The following AEBP2 variants were observed in gnomAD, a reference collection of about 807,000 sequenced individuals.
AEBP2 encodes the protein zinc finger protein AEBP2.
Under a neutral mutation model 50.8 loss-of-function variants are expected in AEBP2, and 10 were observed. The ratio of observed to expected loss-of-function variants is 0.20; its 90% CI spans 0.12 to 0.33. The LOEUF (loss-of-function observed/expected upper bound fraction) is 0.33. AEBP2 is among the 10% of genes least tolerant of loss of function. The pLI is 1.00. For missense variants in AEBP2, 570 were observed against 688.0 expected, an observed-to-expected ratio of 0.83 and a Z score of 1.92; for synonymous variants, 296 against 261.3, an observed-to-expected ratio of 1.13 and a Z score of -1.28.
chr12:19,484,019 A>C (rs954226878), intron 3 of AEBP2, among the ~76,000 whole-genome samples: 3 of 152,050 alleles, frequency 2.0e-5, no homozygotes, highest in African/African-American at 7.2e-5. Flanking sequence ...CTGAGAGAGG[A>C]TTGTCAAACT....
Position 19,485,952 on chromosome 12 carries a change from T to G in AEBP2, c.988-7848T>G, listed in dbSNP as rs867741268. Among the ~76,000 whole-genome samples, 4 of 145,978 alleles carry G rather than the reference T, an allele frequency of 2.7e-5. 1 individual carries two copies. The highest frequency in any genetic ancestry group is 1.0e-4 in the African/African-American group (4 of 39,222). On this transcript the variant is annotated intron_variant, in intron 3 of 7. Transcript: ENST00000266508. ...GATGTTTGAGGTGAGCCTCTGCTTT[T>G]TTTTTTTTTTTTTTTTCATTTTGTT...
chr12:19,444,387 G>A (rs1345044148), intron 1 of AEBP2, among the ~76,000 whole-genome samples: 7 of 152,254 alleles, frequency 4.6e-5, no homozygotes, highest in Non-Finnish European at 1.0e-4. Context: ...TATTTAAAAT[G>A]CCCGTGGAGT....
intron 1 of AEBP2, among the ~76,000 whole-genome samples, chr12:19,407,463 C>T (rs2095736941): frequency 6.6e-6 from 1 of 152,144 alleles, no homozygotes; most frequent in Non-Finnish European, 1.5e-5. Context: ...GCCACCATGC[C>T]CAGTTAATTT....
intron 1 of AEBP2, among the ~76,000 whole-genome samples, chr12:19,426,681 G>T (rs1405268501): frequency 6.6e-6 from 1 of 152,026 alleles, no homozygotes; most frequent in East Asian, 1.9e-4. Flanking sequence ...AGGAGGGAGG[G>T]TCACCTGAGG....
At chr12:19,517,969 T>C in intron 7 of AEBP2, 118 bp from the exon 8 acceptor site, 1 of 937,368 alleles carries the variant, frequency 1.1e-6, no homozygotes. Flanking sequence ...AATACATTTT[T>C]ATTATAATCT....
intron 3 of AEBP2, among the ~76,000 whole-genome samples, chr12:19,476,011 A>G (rs1439055807): frequency 6.6e-6 from 1 of 152,088 alleles, no homozygotes; most frequent in Non-Finnish European, 1.5e-5. Flanking sequence ...TTTTATGTGC[A>G]GAAGCTGATA....
At chr12:19,434,470 G>A (rs1009337224) in intron 1 of AEBP2, among the ~76,000 whole-genome samples, 5 of 151,936 alleles carry the variant, frequency 3.3e-5, no homozygotes, top group Admixed American at 2.0e-4. Flanking sequence ...ACTGTGCCTG[G>A]CCCTTAGATT....
intron 3 of AEBP2, among the ~76,000 whole-genome samples, chr12:19,486,712 C>A (rs1948815030): frequency 6.6e-6 from 1 of 152,158 alleles, no homozygotes; most frequent in African/African-American, 2.4e-5. Flanking sequence ...CAAGTTGCCC[C>A]ATGGACATTC....
chr12:19,463,088 C>G (rs896561566), intron 2 of AEBP2, among the ~76,000 whole-genome samples: 2 of 152,106 alleles, frequency 1.3e-5, no homozygotes, highest in African/African-American at 4.8e-5. Flanking sequence ...ATTCCTGACG[C>G]TTAAATTAAC....
chr12:19,405,438 C>A (rs896644332), intron 1 of AEBP2, among the ~76,000 whole-genome samples: 2 of 151,856 alleles, frequency 1.3e-5, no homozygotes, highest in South Asian at 4.2e-4. Context: ...AATTCTCCTG[C>A]CTCAGCCTCC....
rs771598222 is a variant in AEBP2, at chr12:19,496,664, C to CT, written c.1174+2691dup. ...TGATAAAATTTGTTTTTTTTTTAAC[C>CT]TTTTTTTTTTTTTCTGAGACAGGGT... On this transcript the variant is annotated intron_variant, in intron 4 of 7. Transcript: ENST00000266508. Among the ~76,000 whole-genome samples the CT allele has an allele frequency of 4.2e-3, 598 of 142,840 alleles. 4 individuals are homozygous for CT. Among genetic ancestry groups the CT allele is most frequent in the East Asian group, 0.015 (75 of 4,912 alleles). 93.7% of individuals were successfully genotyped at this position (142,840 alleles called of 152,430 possible).
chr12:19,467,372 C>T (rs760688188), intron 2 of AEBP2, among the ~76,000 whole-genome samples: 7 of 152,218 alleles, frequency 4.6e-5, no homozygotes, highest in Non-Finnish European at 1.0e-4. Flanking sequence ...CCACTCACTG[C>T]AACCTCCACC....
At chr12:19,497,340 T>TTG (rs1555186678) in intron 4 of AEBP2, among the ~76,000 whole-genome samples, 1 of 144,020 alleles carries the variant, frequency 6.9e-6, no homozygotes, top group Admixed American at 7.1e-5. Flanking sequence ...TTTTTTTTTT[T>TTG]TTTTTTTTTT....
At chr12:19,473,833 T>C (rs778173864) in intron 3 of AEBP2, among the ~76,000 whole-genome samples, 4 of 152,190 alleles carry the variant, frequency 2.6e-5, no homozygotes, top group Non-Finnish European at 5.9e-5. Flanking sequence ...ATTTCAAAAG[T>C]AGATGGAGAT....
chr12:19,408,011 A>G (rs2095737236), intron 1 of AEBP2, among the ~76,000 whole-genome samples: 1 of 150,906 alleles, frequency 6.6e-6, no homozygotes. Flanking sequence ...AGATTGCGCC[A>G]TTGCACTCCA....
chr12:19,518,146 A>G lies in AEBP2; in HGVS notation c.*29A>G. ...ATAAATAAATACATAAAAAGCAAACAAGCGGGGACACCTGCAGTCTTAGTC... is the reference window on the plus strand; with the variant it reads ...ATAAATAAATACATAAAAAGCAAACGAGCGGGGACACCTGCAGTCTTAGTC... On this transcript the variant is annotated 3_prime_UTR_variant, in exon 8 of 8. Coordinates refer to ENST00000266508, the MANE Select transcript of AEBP2 (RefSeq NM_153207.5). The G allele has an allele frequency of 1.3e-6, 2 of 1,584,136 alleles. No individual in the cohort carries two copies. Among genetic ancestry groups the G allele is most frequent in the African/African-American group, 1.4e-5 (1 of 73,972 alleles).
intron 3 of AEBP2, among the ~76,000 whole-genome samples, chr12:19,488,626 G>A (rs1221962155): frequency 2.6e-5 from 4 of 152,020 alleles, no homozygotes; most frequent in Non-Finnish European, 4.4e-5. Context: ...TGTTCTGATA[G>A]CCCCTTGTTG....
intron 1 of AEBP2, among the ~76,000 whole-genome samples, chr12:19,454,679 A>G (rs933715944): frequency 2.0e-5 from 3 of 152,178 alleles, no homozygotes; most frequent in Non-Finnish European, 4.4e-5. Flanking sequence ...CTTTAAAGTT[A>G]GATATTACAG....
chr12:19,409,099 A>G (rs2095737888), intron 1 of AEBP2, among the ~76,000 whole-genome samples: 1 of 152,168 alleles, frequency 6.6e-6, no homozygotes, highest in Admixed American at 6.6e-5. Context: ...CCCCCAAAAG[A>G]ACCCAACTTG....
Sources: gnomAD v4.1 joint callset for allele counts (sites outside exome capture counted in the v4.1 genomes callset) on GRCh38, gnomAD v4.1.1 for gene constraint, MANE v1.5 for transcripts, NCBI Gene and HGNC (gene_info 2026-07-23, HGNC 2026-07-21) for gene names.